Variants in INPP5F observed in about 807,000 individuals in gnomAD.
INPP5F encodes phosphatidylinositide 4-phosphatase SAC2.
A neutral mutation model predicts 137.2 loss-of-function variants in INPP5F; 97 were observed. The ratio of observed to expected loss-of-function variants is 0.71; its 90% CI spans 0.60 to 0.84. INPP5F has a LOEUF of 0.84. Among genes scored for constraint, INPP5F ranks in the 40% least tolerant of loss-of-function variants. INPP5F has a pLI of 0.00. For synonymous variants in INPP5F, 504 were observed against 476.9 expected (o/e 1.06, Z -0.74); for missense variants, 1,271 against 1,371.9 (o/e 0.93, Z 1.16).
At chr10:119,727,148 G>A (rs550187111) in intron 1 of INPP5F, among the ~76,000 whole-genome samples, 1 of 152,342 alleles carries the variant, frequency 6.6e-6, no homozygotes, top group African/African-American at 2.4e-5. Context: ...CTTGTAAGAT[G>A]GGGCTGGGTG....
intron 19 of INPP5F, among the ~76,000 whole-genome samples, chr10:119,825,001 C>G: frequency 6.6e-6 from 1 of 152,180 alleles, no homozygotes; most frequent in Non-Finnish European, 1.5e-5. Flanking sequence ...CTCTGAGACT[C>G]CTGGTTCTAT....
chr10:119,771,862 ATATATATATATATATATATATTTTTTTTT>A (rs1849351520), intron 2 of INPP5F, among the ~76,000 whole-genome samples: 7 of 9,790 alleles, frequency 7.2e-4, no homozygotes, highest in Non-Finnish European at 1.4e-3. Context: ...ATATATATAT[ATATATATATATATATATATATTTTTTTTT>A]TTTTTTTTTT....
At chr10:119,818,495 A>T (rs1851383843) in intron 15 of INPP5F, among the ~76,000 whole-genome samples, 2 of 152,242 alleles carry the variant, frequency 1.3e-5, no homozygotes, top group South Asian at 4.1e-4. Context: ...AGCCGCAGGC[A>T]CTGTCCCTGA....
At position 119,729,438 on chromosome 10, in the gene INPP5F, C is replaced by T. The variant is rs957016899; in HGVS notation, c.97+3079C>T. ...CTGGGATTATAGGCTTGACCCACTG[C>T]GCCTGGCCTCTTTTTAGGGCTGTTT... is the stretch of plus-strand genomic sequence containing the variant. On this transcript the variant is annotated intron_variant, in intron 1 of 19. Transcript: ENST00000650623. 3.3e-5 allele frequency among the ~76,000 whole-genome samples: 5 copies of T among 152,112 alleles called. No homozygotes were observed. The East Asian group carries it at 7.7e-4, about 23-fold the overall frequency.
At chr10:119,793,030 T>G (rs1318030411) in intron 6 of INPP5F, among the ~76,000 whole-genome samples, 4 of 152,188 alleles carry the variant, frequency 2.6e-5, no homozygotes, top group Non-Finnish European at 5.9e-5. Flanking sequence ...GGCCTGAGAT[T>G]ATTCTTACCT....
At chr10:119,824,066 C>A (rs566826380) in intron 19 of INPP5F, among the ~76,000 whole-genome samples, 164 bp downstream of exon 19, 1 of 152,146 alleles carries the variant, frequency 6.6e-6, no homozygotes, top group Non-Finnish European at 1.5e-5. Flanking sequence ...TTTCAACATT[C>A]TTCATGTATA....
intron 1 of INPP5F, among the ~76,000 whole-genome samples, chr10:119,743,911 A>G (rs1032537313): frequency 1.3e-5 from 2 of 152,232 alleles, no homozygotes; most frequent in Non-Finnish European, 2.9e-5. Context: ...AGGAAAATAT[A>G]ATAATCTTGA....
chr10:119,821,955 G>A (rs991872832), intron 16 of INPP5F, among the ~76,000 whole-genome samples: 7 of 135,526 alleles, frequency 5.2e-5, no homozygotes, highest in Admixed American at 4.1e-4. Context: ...TGCAACCTCC[G>A]CCTCTCGGGT....
At chr10:119,767,663 C>G (rs1246335213) in intron 2 of INPP5F, among the ~76,000 whole-genome samples, 4 of 152,260 alleles carry the variant, frequency 2.6e-5, no homozygotes, top group African/African-American at 9.6e-5. Context: ...CATCTACATG[C>G]TTACTTTCAA....
chr10:119,821,022 T>C (rs1589756891), intron 16 of INPP5F, 105 bp downstream of exon 16: 1 of 732,886 alleles, frequency 1.4e-6, no homozygotes, highest in Admixed American at 2.3e-5. Flanking sequence ...GGTTTTGTTA[T>C]GTATTTTATG....
chr10:119,827,667 G>A lies in INPP5F; in HGVS notation c.3286G>A (p.Ala1096Thr). 6.2e-7 allele frequency: 1 copy of A among 1,614,128 alleles called. No individual in the cohort carries two copies. Among genetic ancestry groups the A allele is most frequent in the African/African-American group, 1.3e-5 (1 of 75,022 alleles). The change falls in exon 20 of 20, where the codon GCA becomes ACA. Residue 1096 changes from alanine to threonine, a missense_variant. Physicochemically the swap from Ala to Thr is moderately conservative, Grantham distance 58. Around this residue, in one of 6 missense-constraint regions of INPP5F, gnomAD observed 490 missense variants for 443.7 expected, o/e 1.10. Coordinates refer to ENST00000650623, the MANE Select transcript of INPP5F (RefSeq NM_014937.4). ...QAGLTHGINF[A>T]VSKVQKSPPE... ...TGGATTAACCCATGGGATAAACTTT[G>A]CAGTGTCAAAAGTTCAGAAGAGTCC...
At chr10:119,812,429 C>T (rs184790787) in intron 15 of INPP5F, among the ~76,000 whole-genome samples, 2 of 147,574 alleles carry the variant, frequency 1.4e-5, no homozygotes, top group Non-Finnish European at 3.0e-5. Context: ...TTCAAAATAT[C>T]AATGAATAGT....
In INPP5F at chr10:119,796,780, G is replaced by A. The variant is rs751037494; in HGVS notation, c.735G>A (p.Val245=). Reference sequence around the variant, plus strand: ...GTTTTGTGCAGATTGAAGAACTTGTGGTTAATTATACCGAATCATCTGATG... The same window carrying A: ...GTTTTGTGCAGATTGAAGAACTTGTAGTTAATTATACCGAATCATCTGATG... ...IQGFVQIEEL[V]VNYTESSDDE... The change falls in exon 7 of 20, where the codon GTG becomes GTA. Residue 245 remains valine, a synonymous_variant. Coordinates refer to ENST00000650623, the MANE Select transcript of INPP5F (RefSeq NM_014937.4). 2.5e-6 allele frequency: 4 copies of A among 1,613,584 alleles called. No homozygotes were observed. In the South Asian group the frequency reaches 4.4e-5, roughly 18 times the overall value.
At chr10:119,731,798 G>A (rs145882590) in intron 1 of INPP5F, among the ~76,000 whole-genome samples, 260 of 152,178 alleles carry the variant, frequency 1.7e-3, no homozygotes, top group African/African-American at 6.1e-3. Context: ...TTTTTTCTTA[G>A]TGTATTTAGT....
intron 16 of INPP5F, among the ~76,000 whole-genome samples, chr10:119,821,449 CAATG>C (rs1851558029): frequency 6.6e-6 from 1 of 152,106 alleles, no homozygotes; most frequent in South Asian, 2.1e-4. Context: ...GAAAGACTCT[CAATG>C]AACAGTGCTA....
intron 9 of INPP5F, among the ~76,000 whole-genome samples, chr10:119,803,114 A>G (rs1223441405): frequency 6.6e-6 from 1 of 151,964 alleles, no homozygotes. Flanking sequence ...TTGCAGGTAT[A>G]TTCTCCTAGG....
chr10:119,738,901 G>A (rs570744935), intron 1 of INPP5F, among the ~76,000 whole-genome samples: 1 of 152,184 alleles, frequency 6.6e-6, no homozygotes, highest in African/African-American at 2.4e-5. Flanking sequence ...AATTGCCCAG[G>A]CCAGGCATGG....
At chr10:119,764,384 A>G (rs764536928) in intron 2 of INPP5F, among the ~76,000 whole-genome samples, 2 of 152,114 alleles carry the variant, frequency 1.3e-5, no homozygotes, top group Non-Finnish European at 2.9e-5. Context: ...TGACCCTTGG[A>G]CAACACAAGT....
At chr10:119,824,861 T>G (rs1224072809) in intron 19 of INPP5F, among the ~76,000 whole-genome samples, 1 of 152,230 alleles carries the variant, frequency 6.6e-6, no homozygotes, top group African/African-American at 2.4e-5. Flanking sequence ...CTATACAGAT[T>G]AATAACCTTT....
Sources: gnomAD v4.1 joint callset for allele counts (sites outside exome capture counted in the v4.1 genomes callset) on GRCh38, gnomAD v4.1.1 for gene constraint, gnomAD v4.1.1 regional missense constraint, MANE v1.5 for transcripts, NCBI Gene and HGNC (gene_info 2026-07-23, HGNC 2026-07-21) for gene names.